Variants in ANKRD55 observed in about 807,000 individuals in gnomAD.
ANKRD55 encodes the protein ankyrin repeat domain 55.
Under a neutral mutation model 60.6 loss-of-function variants are expected in ANKRD55, and 41 were observed. The ratio of observed to expected loss-of-function variants is 0.68; its 90% CI spans 0.53 to 0.88. ANKRD55 has a LOEUF of 0.88. Among genes scored for constraint, ANKRD55 ranks in the 40% least tolerant of loss-of-function variants. The probability of loss-of-function intolerance (pLI) is 0.00; values close to 1 mark genes in which losing one functional copy is unlikely to be tolerated. For synonymous variants in ANKRD55, 264 were observed against 290.3 expected (o/e 0.91, Z 0.92); for missense variants, 732 against 767.6 (o/e 0.95, Z 0.55).
At chr5:56,160,991 T>C (rs1758314442) in intron 5 of ANKRD55, 1 of 152,026 alleles carries the variant, frequency 6.6e-6, no homozygotes, top group South Asian at 2.1e-4. Flanking sequence ...GAGATAGGAG[T>C]GATAAAAACT....
intron 4 of ANKRD55, among the ~76,000 whole-genome samples, chr5:56,175,266 A>G (rs780568333): frequency 6.6e-6 from 1 of 152,238 alleles, no homozygotes; most frequent in Non-Finnish European, 1.5e-5. Context: ...GACACCCTCA[A>G]TGGGGCTGGT....
intron 2 of ANKRD55, among the ~76,000 whole-genome samples, chr5:56,217,709 A>G (rs544700802): frequency 8.5e-5 from 13 of 152,152 alleles, no homozygotes; most frequent in Non-Finnish European, 1.9e-4. Context: ...CCTGGCTAAC[A>G]TGGTGAAACC....
chr5:56,183,706 G>A (rs145282887), intron 2 of ANKRD55, 72 bp from the exon 3 acceptor site: 475 of 1,576,262 alleles, frequency 3.0e-4, no homozygotes, highest in Middle Eastern at 1.7e-3. Context: ...TACCCAAGTC[G>A]TCACCCACAC....
chr5:56,111,187 T>C lies in ANKRD55; in HGVS notation c.1561A>G (p.Ser521Gly). The C allele has an allele frequency of 6.2e-7, 1 of 1,614,236 alleles. No homozygotes were observed. Among genetic ancestry groups the C allele is most frequent in the Non-Finnish European group, 8.5e-7 (1 of 1,180,038 alleles). ...ACCTCTTGGTGACCAGGCCGGACAC[T>C]GAGCAATCTGTCCAGCAGCTTATCA... ...SSDKLLDRLL[S>G]VRPGHQEVSV... is the part of the protein sequence containing the mutation. The change falls in exon 10 of 12, where the codon AGT (serine) becomes GGT (glycine). Residue 521 changes from serine (S) to glycine (G), a missense_variant. Ser to Gly is a moderately conservative substitution (Grantham distance 56). Transcript: ENST00000341048.
At chr5:56,159,329 C>T (rs957256737) in intron 6 of ANKRD55, among the ~76,000 whole-genome samples, 4 of 152,248 alleles carry the variant, frequency 2.6e-5, no homozygotes, top group Admixed American at 1.3e-4. Flanking sequence ...GGTGTGGTGG[C>T]GCCTGCTTGT....
At chr5:56,160,414 AT>A (rs1169301292) in intron 5 of ANKRD55, among the ~76,000 whole-genome samples, 2 of 151,786 alleles carry the variant, frequency 1.3e-5, no homozygotes, top group Non-Finnish European at 2.9e-5. Context: ...AATTTTTTCT[AT>A]TTTTTAGTAG....
intron 2 of ANKRD55, among the ~76,000 whole-genome samples, chr5:56,197,854 A>C (rs1759262536): frequency 6.6e-6 from 1 of 152,152 alleles, no homozygotes; most frequent in South Asian, 2.1e-4. Flanking sequence ...TTATTTTCAC[A>C]ATTGTTTTCT....
intron 2 of ANKRD55, among the ~76,000 whole-genome samples, chr5:56,207,405 T>C (rs1488947057): frequency 6.6e-6 from 1 of 152,216 alleles, no homozygotes; most frequent in East Asian, 1.9e-4. Context: ...TTTACAAAAA[T>C]GTAATCACAC....
At chr5:56,199,730 AG>A in intron 2 of ANKRD55, among the ~76,000 whole-genome samples, 1 of 151,736 alleles carries the variant, frequency 6.6e-6, no homozygotes, top group South Asian at 2.1e-4. Flanking sequence ...CTCTACTAAA[AG>A]TACAAAAAAA....
chr5:56,231,667 A>G (rs1246922179), intron 2 of ANKRD55, among the ~76,000 whole-genome samples: 11 of 129,580 alleles, frequency 8.5e-5, no homozygotes, highest in African/African-American at 3.1e-4. Context: ...ACACACACAC[A>G]CACACACACA....
intron 10 of ANKRD55, among the ~76,000 whole-genome samples, chr5:56,105,642 T>C (rs1220013612): frequency 6.6e-6 from 1 of 152,154 alleles, no homozygotes; most frequent in Non-Finnish European, 1.5e-5. Flanking sequence ...GGATTTGAGA[T>C]GGGCGGTGCA....
intron 4 of ANKRD55, among the ~76,000 whole-genome samples, chr5:56,171,751 G>A (rs1758614733): frequency 6.6e-6 from 1 of 152,078 alleles, no homozygotes; most frequent in Non-Finnish European, 1.5e-5. Flanking sequence ...TCGCGTCTAG[G>A]TAAACCTCAA....
At chr5:56,225,722 C>T (rs1760094355) in intron 2 of ANKRD55, among the ~76,000 whole-genome samples, 1 of 152,132 alleles carries the variant, frequency 6.6e-6, no homozygotes, top group Admixed American at 6.5e-5. Context: ...CATGAGTGAA[C>T]TCCCATTCAC....
chr5:56,199,697 T>C (rs569256754), intron 2 of ANKRD55, among the ~76,000 whole-genome samples: 3 of 151,080 alleles, frequency 2.0e-5, no homozygotes, highest in South Asian at 2.1e-4. Context: ...GAGACCATCC[T>C]GGCTAACACG....
chr5:56,162,803 A>T (rs2111798512), intron 5 of ANKRD55, among the ~76,000 whole-genome samples: 1 of 152,070 alleles, frequency 6.6e-6, no homozygotes, highest in African/African-American at 2.4e-5. Context: ...TCTTCAGAGT[A>T]GTTTGCACTA....
intron 5 of ANKRD55, among the ~76,000 whole-genome samples, chr5:56,167,902 G>A (rs1580997161): frequency 6.6e-6 from 1 of 152,214 alleles, no homozygotes; most frequent in Non-Finnish European, 1.5e-5. Context: ...TATTATTGCA[G>A]TGATTTCAGA....
intron 6 of ANKRD55, among the ~76,000 whole-genome samples, chr5:56,145,151 A>G (rs1392413363): frequency 6.6e-6 from 1 of 152,138 alleles, no homozygotes; most frequent in Non-Finnish European, 1.5e-5. Context: ...TCTTTTATCT[A>G]TTGTCTCACT....
In ANKRD55 at chr5:56,176,254, A is replaced by G. The variant is rs1485681297; in HGVS notation, c.210T>C (p.Ser70=). The G allele has an allele frequency of 6.2e-7, 1 of 1,614,242 alleles. No individual in the cohort carries two copies. Among genetic ancestry groups the G allele is most frequent in the Non-Finnish European group, 8.5e-7 (1 of 1,180,046 alleles). The change falls in exon 4 of 12, where the codon TCT becomes TCC. Residue 70 remains serine (S), a synonymous_variant. Coordinates refer to ENST00000341048, the MANE Select transcript of ANKRD55 (RefSeq NM_024669.3). ...GCTTCACTGTGTCCGCTTGACGTCC[A>G]GAAACCGCATGCATCAAGGGCGTGC... ...EGCTPLMHAV[S]GRQADTVKLL... is the part of the protein sequence containing the mutation.
intron 7 of ANKRD55, chr5:56,127,390 G>C (rs1380930848): frequency 1.8e-6 from 1 of 552,670 alleles, no homozygotes; most frequent in East Asian, 1.5e-4. Flanking sequence ...TTAAATACAG[G>C]TGCAATGGAC....
Sources: allele counts gnomAD v4.1 joint callset (sites outside exome capture counted in the v4.1 genomes callset), GRCh38; gene constraint gnomAD v4.1.1; transcripts MANE v1.5; gene names NCBI Gene and HGNC (gene_info 2026-07-23, HGNC 2026-07-21).